Variants in OTOGL observed in about 807,000 individuals in gnomAD.
OTOGL encodes otogelin like, also known as otogelin-like protein.
In OTOGL, 285 loss-of-function variants were observed where a neutral mutation model predicts 318.5. The observed-to-expected ratio is 0.89, with a 90% CI of 0.81 to 0.99. The LOEUF is 0.99. OTOGL is among the 50% of genes least tolerant of loss of function. The pLI is 0.00. For synonymous variants in OTOGL, 987 were observed against 936.5 expected, an observed-to-expected ratio of 1.05 and a Z score of -0.99; for missense variants, 2,899 against 2,845.6, an observed-to-expected ratio of 1.02 and a Z score of -0.43.
intron 1 of OTOGL, among the ~76,000 whole-genome samples, chr12:80,102,564 C>T (rs148069084): frequency 6.6e-6 from 1 of 152,292 alleles, no homozygotes; most frequent in African/African-American, 2.4e-5. Context: ...TGTCACCCCT[C>T]TAGTTGTAGA....
chr12:80,296,286 T>C (rs1885389297), intron 26 of OTOGL, among the ~76,000 whole-genome samples: 1 of 152,218 alleles, frequency 6.6e-6, no homozygotes, highest in African/African-American at 2.4e-5. Flanking sequence ...ATGGAAATAA[T>C]ACCCAATTCA....
intron 1 of OTOGL, among the ~76,000 whole-genome samples, chr12:80,124,613 A>G (rs1870695097): frequency 6.6e-6 from 1 of 152,200 alleles, no homozygotes; most frequent in Non-Finnish European, 1.5e-5. Flanking sequence ...CATTGAATCT[A>G]TAAATTACCT....
At chr12:80,323,527 T>C (rs1887481366) in intron 34 of OTOGL, among the ~76,000 whole-genome samples, 196 bp from the exon 35 acceptor site, 2 of 152,092 alleles carry the variant, frequency 1.3e-5, no homozygotes. Context: ...CATGTGCTTG[T>C]AGTATCACCT....
intron 26 of OTOGL, among the ~76,000 whole-genome samples, chr12:80,289,437 C>T (rs185502071): frequency 6.6e-5 from 10 of 152,298 alleles, no homozygotes; most frequent in East Asian, 1.9e-4. Flanking sequence ...CTGTGAGATC[C>T]GCTGCTCTCG....
chr12:80,284,956 C>G (rs925122845), intron 26 of OTOGL, among the ~76,000 whole-genome samples: 1 of 152,076 alleles, frequency 6.6e-6, no homozygotes, highest in Non-Finnish European at 1.5e-5. Flanking sequence ...TTTGCTCATG[C>G]CCATGTCCTG....
intron 26 of OTOGL, among the ~76,000 whole-genome samples, chr12:80,282,546 T>A (rs1884311761): frequency 6.6e-6 from 1 of 151,528 alleles, no homozygotes; most frequent in African/African-American, 2.4e-5. Context: ...TTTTTTTTTG[T>A]CTTGTGTTGT....
chr12:80,193,501 G>A (rs1875839664), intron 1 of OTOGL, among the ~76,000 whole-genome samples: 1 of 152,066 alleles, frequency 6.6e-6, no homozygotes, highest in Admixed American at 6.5e-5. Context: ...GGGTGTCAGA[G>A]TGAGACTTCA....
At chr12:80,133,228 G>A (rs1271545551) in intron 1 of OTOGL, among the ~76,000 whole-genome samples, 1 of 151,230 alleles carries the variant, frequency 6.6e-6, no homozygotes, top group Non-Finnish European at 1.5e-5. Flanking sequence ...TATATTAAGT[G>A]CCTATGCTAG....
chr12:80,364,314 T>A (rs1369791859), intron 52 of OTOGL, among the ~76,000 whole-genome samples: 1 of 152,174 alleles, frequency 6.6e-6, no homozygotes, highest in African/African-American at 2.4e-5. Flanking sequence ...AAGGTGATTT[T>A]AAAAAATATC....
At position 80,335,978 on chromosome 12, in the gene OTOGL, C is replaced by A. The variant is rs527599306; in HGVS notation, c.4438C>A (p.Pro1480Thr). 1.9e-6 allele frequency: 3 copies of A among 1,554,300 alleles called. No individual in the cohort carries two copies. Among genetic ancestry groups the A allele is most frequent in the African/African-American group, 2.7e-5 (2 of 72,918 alleles). Residue 1480 changes from proline to threonine, a missense_variant, in exon 39 of 59, where the codon CCT becomes ACT. Physicochemically the swap from Pro to Thr is conservative, Grantham distance 38 (BLOSUM62 -1). Transcript: ENST00000547103. ...TTATTAACAGCCTCAGAAATTTGAT[C>A]CTGTTTATGATTGTAGCCAATACAT... ...GLECEPQKFD[P>T]VYDCSQYICL...
In OTOGL at chr12:80,357,514, G is replaced by T. The variant is rs557971494; in HGVS notation, c.6019+600G>T. ...TTGCATCAGTTAAGATTCATTGACT[G>T]CAAGTGGCAAAACTGATGGATTCTG... On this transcript the variant is annotated intron_variant, in intron 49 of 58. Transcript: ENST00000547103. Among the ~76,000 whole-genome samples the T allele has an allele frequency of 2.6e-5, 4 of 152,156 alleles. No individual in the cohort carries two copies. In the South Asian group the frequency reaches 8.3e-4, roughly 32 times the overall value.
At chr12:80,275,300 C>T (rs1489975651) in intron 24 of OTOGL, among the ~76,000 whole-genome samples, 1 of 151,848 alleles carries the variant, frequency 6.6e-6, no homozygotes, top group Non-Finnish European at 1.5e-5. Context: ...TCACGGATAA[C>T]TTTGAGGGTT....
intron 29 of OTOGL, among the ~76,000 whole-genome samples, chr12:80,307,919 G>A (rs1417970465): frequency 7.3e-6 from 1 of 136,158 alleles, no homozygotes; most frequent in African/African-American, 3.2e-5. Flanking sequence ...CCGGGCGGGG[G>A]CTGACCCCCC....
At chr12:80,156,702 T>G (rs1873144881) in intron 1 of OTOGL, among the ~76,000 whole-genome samples, 1 of 152,180 alleles carries the variant, frequency 6.6e-6, no homozygotes, top group African/African-American at 2.4e-5. Context: ...ATGTATGAAG[T>G]GACTTGCTCC....
intron 27 of OTOGL, 30 bp downstream of exon 27, chr12:80,296,991 T>C: frequency 6.7e-7 from 1 of 1,494,042 alleles, no homozygotes. Flanking sequence ...CAGGATCATT[T>C]GAACTTGTCC....
chr12:80,109,502 ATTG>A (rs2137076925), intron 1 of OTOGL, among the ~76,000 whole-genome samples: 1 of 152,270 alleles, frequency 6.6e-6, no homozygotes, highest in East Asian at 1.9e-4. Context: ...TTTCTCTGCC[ATTG>A]TTGTTGATCC....
chr12:80,133,861 G>A (rs1871384997), intron 1 of OTOGL, among the ~76,000 whole-genome samples: 1 of 152,110 alleles, frequency 6.6e-6, no homozygotes, highest in Non-Finnish European at 1.5e-5. Context: ...GGCTAAGATG[G>A]GAGGTAGAGG....
rs561847423 is a variant in OTOGL at position 80,342,963 on chromosome 12, C to A, written c.5265+801C>A. Among the ~76,000 whole-genome samples, 4 of 152,220 alleles carry A rather than the reference C, an allele frequency of 2.6e-5. No individual in the cohort carries two copies. In the South Asian group the frequency reaches 8.3e-4, roughly 32 times the overall value. ...GTGGCACGATCTCGGCTCACTGCAA[C>A]CTCTGCCTCCCAGGTTCAAGTGATT... is the stretch of plus-strand genomic sequence containing the variant. On this transcript the variant is annotated intron_variant, in intron 44 of 58. Coordinates refer to ENST00000547103, the MANE Select transcript of OTOGL (RefSeq NM_001378609.3).
At chr12:80,103,168 G>T in intron 1 of OTOGL, 1 of 1,312,532 alleles carries the variant, frequency 7.6e-7, no homozygotes, top group Non-Finnish European at 1.1e-6. Flanking sequence ...CGTACAACCT[G>T]AACTTCATCG....
Sources: allele counts gnomAD v4.1 joint callset (sites outside exome capture counted in the v4.1 genomes callset), GRCh38; gene constraint gnomAD v4.1.1; transcripts MANE v1.5; gene names NCBI Gene and HGNC (gene_info 2026-07-23, HGNC 2026-07-21).